Variants in TNR observed in about 807,000 individuals in gnomAD.
The protein encoded by TNR is tenascin R.
TNR carries 45 observed loss-of-function variants against 150.4 expected under a neutral mutation model. That is an observed-to-expected ratio of 0.30 (90% CI 0.24 to 0.38). The LOEUF is 0.38. TNR is among the 10% of genes least tolerant of loss of function. The probability of loss-of-function intolerance (pLI) is 1.00; values close to 1 mark genes in which losing one functional copy is unlikely to be tolerated. For missense variants in TNR, 1,544 were observed against 1,759.1 expected (o/e 0.88, Z 2.19); for synonymous variants, 687 against 678.4 (o/e 1.01, Z -0.20).
Position 175,315,423 on chromosome 1 carries a change from G to A in TNR, c.*7934C>T, listed in dbSNP as rs1648805971. On this transcript the variant is annotated 3_prime_UTR_variant, in exon 23 of 23. Coordinates refer to ENST00000367674, the MANE Select transcript of TNR (RefSeq NM_003285.3). ...CTAATTAAAGTGTGCATCGTCTGAG[G>A]AGTATGTACTCCATTTTCTTTTTTT... The A allele has an allele frequency of 6.6e-6, 1 of 152,028 alleles. No homozygotes were observed. The highest frequency in any genetic ancestry group is 1.5e-5 in the Non-Finnish European group (1 of 68,012). The allele number at this position is 152,028 out of a possible 1,614,324, so 9.4% of individuals were successfully genotyped here. A position where few individuals can be genotyped will look rare whatever the true frequency, so the allele number is the denominator to read the frequency against.
intron 7 of TNR, among the ~76,000 whole-genome samples, chr1:175,389,012 A>G (rs1259978806): frequency 6.6e-6 from 1 of 152,216 alleles, no homozygotes; most frequent in African/African-American, 2.4e-5. Flanking sequence ...TTCTCCTTTT[A>G]GCCTTTTGTC....
chr1:175,431,330 C>T (rs1291999274), intron 2 of TNR, among the ~76,000 whole-genome samples: 2 of 152,172 alleles, frequency 1.3e-5, no homozygotes, highest in African/African-American at 4.8e-5. Context: ...GACATGTTCT[C>T]ATGTATTTAT....
rs1663136698 is a variant in TNR, at chr1:175,599,351, C to T, written c.-164-70982G>A. ...CAGACCGCATAGGGGCCCTGAGAGGCACACACGCGCCTTCTGCTCACACCT... is the reference window on the plus strand; with the variant it reads ...CAGACCGCATAGGGGCCCTGAGAGGTACACACGCGCCTTCTGCTCACACCT... On this transcript the variant is annotated intron_variant, in intron 1 of 22. Coordinates refer to ENST00000367674, the MANE Select transcript of TNR (RefSeq NM_003285.3). The surrounding 1 kb of genome is among the most constrained non-coding windows in gnomAD (Gnocchi z 4.7). 2.0e-5 allele frequency among the ~76,000 whole-genome samples: 3 copies of T among 151,552 alleles called. No individual in the cohort carries two copies. Among genetic ancestry groups the T allele is most frequent in the Admixed American group, 6.5e-5 (1 of 15,278 alleles).
chr1:175,730,555 T>A (rs767166574), intron 1 of TNR, among the ~76,000 whole-genome samples: 1 of 152,206 alleles, frequency 6.6e-6, no homozygotes, highest in African/African-American at 2.4e-5. Flanking sequence ...TAGAGAACAC[T>A]GGATGAAAAC....
intron 4 of TNR, among the ~76,000 whole-genome samples, chr1:175,398,423 A>C (rs1328521972): frequency 6.6e-6 from 1 of 152,258 alleles, no homozygotes; most frequent in East Asian, 1.9e-4. Flanking sequence ...GATGTTTTAT[A>C]AACTGTATCA....
At chr1:175,406,005 C>T (rs898569647) in intron 3 of TNR, among the ~76,000 whole-genome samples, 1 of 152,160 alleles carries the variant, frequency 6.6e-6, no homozygotes, top group African/African-American at 2.4e-5. Flanking sequence ...CTGAATCCCT[C>T]GGGGAAGAAC....
intron 1 of TNR, among the ~76,000 whole-genome samples, chr1:175,545,531 A>C (rs1660652492): frequency 6.6e-6 from 1 of 152,218 alleles, no homozygotes; most frequent in Non-Finnish European, 1.5e-5. Flanking sequence ...CTGAAAGTGC[A>C]CTGAGGCTAT....
chr1:175,324,362 G>A lies in TNR; in HGVS notation c.3951C>T (p.His1317=), dbSNP rs1649235987. The change falls in exon 22 of 23, where the codon CAC becomes CAT. Residue 1317 remains histidine, a synonymous_variant. Transcript: ENST00000367674. ...GAGGTGGAGCATCGCTTACCTGACT[G>A]TGCCTGGACTCCCCGTACTTCCCAT... ...NLNGKYGESR[H]SQGINWYHWK... The A allele has an allele frequency of 3.7e-6, 6 of 1,613,494 alleles. No homozygotes were observed. The highest frequency in any genetic ancestry group is 5.1e-6 in the Non-Finnish European group (6 of 1,179,874).
intron 2 of TNR, among the ~76,000 whole-genome samples, chr1:175,520,745 C>T (rs913550302): frequency 6.6e-6 from 1 of 152,076 alleles, no homozygotes; most frequent in Non-Finnish European, 1.5e-5. Flanking sequence ...CCTTCTTCTC[C>T]TCATTAGCCA....
At chr1:175,673,058 C>T (rs184476880) in intron 1 of TNR, among the ~76,000 whole-genome samples, 1 of 152,134 alleles carries the variant, frequency 6.6e-6, no homozygotes, top group East Asian at 1.9e-4. Context: ...CTCAGAGTTC[C>T]CAAAGCAGGT....
At chr1:175,571,796 G>A (rs550676857) in intron 1 of TNR, among the ~76,000 whole-genome samples, 1 of 152,262 alleles carries the variant, frequency 6.6e-6, no homozygotes, top group East Asian at 1.9e-4. Flanking sequence ...TAATGTCAAT[G>A]CCACTTTACT....
At chr1:175,378,568 G>T (rs1464603700) in intron 9 of TNR, among the ~76,000 whole-genome samples, 1 of 152,256 alleles carries the variant, frequency 6.6e-6, no homozygotes, top group East Asian at 1.9e-4. Context: ...GCTCCCTAAA[G>T]TGGGGAGTAA....
chr1:175,361,393 AC>A (rs1317599182), intron 14 of TNR, among the ~76,000 whole-genome samples: 1 of 152,184 alleles, frequency 6.6e-6, no homozygotes, highest in African/African-American at 2.4e-5. Context: ...ATTGGACCTC[AC>A]TTCTGGCCAA....
intron 1 of TNR, among the ~76,000 whole-genome samples, chr1:175,736,660 T>C (rs964390731): frequency 1.3e-5 from 2 of 152,142 alleles, no homozygotes; most frequent in African/African-American, 2.4e-5. Flanking sequence ...CTTTGCCCCA[T>C]GGGTTCTGTG....
chr1:175,461,115 T>C (rs1210757560), intron 2 of TNR, among the ~76,000 whole-genome samples: 3 of 152,120 alleles, frequency 2.0e-5, no homozygotes, highest in Non-Finnish European at 2.9e-5. Context: ...CAAGAATCGC[T>C]CCCTTCCTGG....
chr1:175,601,935 G>A (rs1295804654), intron 1 of TNR, among the ~76,000 whole-genome samples: 2 of 152,124 alleles, frequency 1.3e-5, no homozygotes, highest in Non-Finnish European at 2.9e-5. Flanking sequence ...AATGCACACA[G>A]TAAGGAAGGT....
chr1:175,510,991 A>C (rs1464271674), intron 2 of TNR, among the ~76,000 whole-genome samples: 1 of 152,260 alleles, frequency 6.6e-6, no homozygotes, highest in African/African-American at 2.4e-5. Context: ...AATATCACCA[A>C]CATGGAGGTG....
intron 2 of TNR, among the ~76,000 whole-genome samples, chr1:175,431,584 G>A (rs1655261508): frequency 6.6e-6 from 1 of 151,960 alleles, no homozygotes; most frequent in African/African-American, 2.4e-5. Context: ...AGCTTACTTG[G>A]AGTGGGCACC....
At chr1:175,512,291 T>C (rs1308575401) in intron 2 of TNR, among the ~76,000 whole-genome samples, 2 of 152,226 alleles carry the variant, frequency 1.3e-5, no homozygotes, top group Non-Finnish European at 2.9e-5. Context: ...TCACTAAAAC[T>C]AGTATTTCAA....
Sources: gnomAD v4.1 joint callset for allele counts (sites outside exome capture counted in the v4.1 genomes callset) on GRCh38, gnomAD v4.1.1 for gene constraint, Gnocchi (gnomAD v3.1) non-coding constraint, MANE v1.5 for transcripts, NCBI Gene and HGNC (gene_info 2026-07-23, HGNC 2026-07-21) for gene names.